Variants in PAX2 observed in about 807,000 individuals in gnomAD.
PAX2 encodes paired box protein Pax-2.
Under a neutral mutation model 41.7 loss-of-function variants are expected in PAX2, and 9 were observed. The observed-to-expected ratio is 0.22, with a 90% CI of 0.13 to 0.38. PAX2 has a LOEUF of 0.38. PAX2 is among the 10% of genes least tolerant of loss of function. PAX2 has a pLI of 1.00. For synonymous variants in PAX2, 221 were observed against 212.7 expected (o/e 1.04, Z -0.34); for missense variants, 418 against 531.6 (o/e 0.79, Z 2.10).
At chr10:100,774,972 C>G (rs764439750) in intron 3 of PAX2, among the ~76,000 whole-genome samples, 3 of 152,232 alleles carry the variant, frequency 2.0e-5, no homozygotes, top group African/African-American at 4.8e-5. Context: ...AGGGCGAGCT[C>G]TCATCGGAAA....
chr10:100,739,014 GACACACACAC>G (rs61617727), intron 1 of PAX2, among the ~76,000 whole-genome samples: 16 of 138,352 alleles, frequency 1.2e-4, no homozygotes, highest in South Asian at 5.1e-4. Context: ...CGCGCACGCG[GACACACACAC>G]ACACACACAC....
chr10:100,822,563 T>C (rs1848408538), intron 7 of PAX2, among the ~76,000 whole-genome samples: 1 of 152,182 alleles, frequency 6.6e-6, no homozygotes, highest in Admixed American at 6.5e-5. Flanking sequence ...TATGATCTGT[T>C]TGAAGAAGCA....
chr10:100,773,175 C>T (rs1023233994), intron 3 of PAX2, among the ~76,000 whole-genome samples: 1 of 152,200 alleles, frequency 6.6e-6, no homozygotes, highest in Non-Finnish European at 1.5e-5. Flanking sequence ...TGTAATAAGC[C>T]TTATGTGCAA....
chr10:100,810,336 A>G (rs932050217), intron 7 of PAX2, among the ~76,000 whole-genome samples: 3 of 152,216 alleles, frequency 2.0e-5, no homozygotes, highest in Non-Finnish European at 4.4e-5. Context: ...CTGGGGGCTT[A>G]GGAGAGCCCT....
chr10:100,789,867 TACTG>T (rs1333466488), intron 5 of PAX2, among the ~76,000 whole-genome samples: 2 of 152,268 alleles, frequency 1.3e-5, no homozygotes, highest in Non-Finnish European at 2.9e-5. Context: ...GCCTGTTGAA[TACTG>T]ACTATGTCAT....
rs948240547 is a variant in PAX2, at chr10:100,786,835, C to A, written c.616+5470C>A. ...GAATTGCAGCTCAGAACCCTTGTAG[C>A]CCTTAGAAGGGGAGTCTGGTCTCCC... On this transcript the variant is annotated intron_variant, in intron 5 of 9. Coordinates refer to ENST00000355243, the MANE Select transcript of PAX2 (RefSeq NM_000278.5). 4 of 570,560 alleles carry A rather than the reference C, an allele frequency of 7.0e-6. No homozygotes were observed. The African/African-American group carries it at 7.6e-5, about 11-fold the overall frequency. The allele number at this position is 570,560 out of a possible 1,614,324, so 35.3% of individuals were successfully genotyped here.
chr10:100,827,149 G>C lies in PAX2; in HGVS notation c.1108+54G>C. On this transcript the variant is annotated intron_variant, in intron 9 of 9. Transcript: ENST00000355243. This position sits in a 1 kb window ranked among gnomAD's most constrained non-coding sequence, Gnocchi z 8.5. ...CTCAGCGCGGCCGCGCGGCTTCTGG[G>C]CACGGTCCCACTCCCGGCGACCCGA... 6.9e-7 allele frequency: 1 copy of C among 1,445,628 alleles called. No homozygotes were observed. Among genetic ancestry groups the C allele is most frequent in the South Asian group, 1.1e-5 (1 of 87,410 alleles). The allele number at this position is 1,445,628 out of a possible 1,614,324, so 89.6% of individuals were successfully genotyped here.
chr10:100,812,309 G>C lies in PAX2; in HGVS notation c.919+3073G>C, dbSNP rs189648070. ...ATCACCCACTTTCCCTTCCGCCGCT[G>C]GGCTGCTCTAGCTCAGCGGCATCTC... On this transcript the variant is annotated intron_variant, in intron 7 of 9. Coordinates refer to ENST00000355243, the MANE Select transcript of PAX2 (RefSeq NM_000278.5). Among the ~76,000 whole-genome samples the C allele has an allele frequency of 1.1e-3, 170 of 152,344 alleles. 2 individuals are homozygous for C. Among genetic ancestry groups the C allele is most frequent in the Middle Eastern group, 6.8e-3 (2 of 294 alleles).
At chr10:100,781,006 G>A (rs1846598948) in intron 4 of PAX2, among the ~76,000 whole-genome samples, 1 of 133,632 alleles carries the variant, frequency 7.5e-6, no homozygotes. Context: ...GAGAAGGCCT[G>A]GGGTTAAACT....
upstream of PAX2, among the ~76,000 whole-genome samples, chr10:100,740,720 C>T (rs576879362): frequency 6.6e-6 from 1 of 152,310 alleles, no homozygotes; most frequent in East Asian, 1.9e-4. Flanking sequence ...AGCAAAGGGA[C>T]TGTGTATGTA....
intron 5 of PAX2, among the ~76,000 whole-genome samples, chr10:100,789,670 G>A (rs1017966572): frequency 3.3e-5 from 5 of 152,120 alleles, no homozygotes; most frequent in Non-Finnish European, 7.3e-5. Context: ...AAGAGCTGAG[G>A]TTCAAAGGTC....
At chr10:100,808,301 G>A (rs1163909173) in intron 6 of PAX2, among the ~76,000 whole-genome samples, 1 of 152,054 alleles carries the variant, frequency 6.6e-6, no homozygotes, top group Non-Finnish European at 1.5e-5. Context: ...AAATGACGAG[G>A]CAATCCCGTC....
At chr10:100,821,709 C>T (rs767709753) in intron 7 of PAX2, among the ~76,000 whole-genome samples, 3 of 152,134 alleles carry the variant, frequency 2.0e-5, no homozygotes, top group Non-Finnish European at 2.9e-5. Flanking sequence ...TAGGAGATTC[C>T]GTGACAAAAC....
intron 5 of PAX2, among the ~76,000 whole-genome samples, chr10:100,795,590 A>G (rs1337694537): frequency 6.6e-6 from 1 of 152,242 alleles, no homozygotes; most frequent in Non-Finnish European, 1.5e-5. Context: ...TAACTGTATA[A>G]TAATTTCATT....
At chr10:100,800,844 T>C (rs1471981473) in intron 5 of PAX2, among the ~76,000 whole-genome samples, 1 of 152,154 alleles carries the variant, frequency 6.6e-6, no homozygotes, top group African/African-American at 2.4e-5. Context: ...AGATGAGATA[T>C]TTTGGTTGAG....
At chr10:100,746,635 G>C (rs1210390128) in intron 1 of PAX2, among the ~76,000 whole-genome samples, 1 of 152,192 alleles carries the variant, frequency 6.6e-6, no homozygotes, top group African/African-American at 2.4e-5. Flanking sequence ...CCTCTCCCTA[G>C]TCAGCCTCTT....
chr10:100,756,327 T>G (rs1326020627), intron 3 of PAX2, among the ~76,000 whole-genome samples: 1 of 152,202 alleles, frequency 6.6e-6, no homozygotes, highest in Non-Finnish European at 1.5e-5. Flanking sequence ...CTCTGCAGGT[T>G]GCCTCTTAAT....
intron 5 of PAX2, among the ~76,000 whole-genome samples, chr10:100,804,923 G>A (rs912515079): frequency 2.0e-5 from 3 of 151,664 alleles, no homozygotes; most frequent in African/African-American, 7.3e-5. Flanking sequence ...GTCTTCTTCA[G>A]ATGTGGTCCT....
In PAX2 at chr10:100,781,341, G is replaced by A; in HGVS notation, c.592G>A (p.Gly198Ser). The change falls in exon 5 of 10, where the codon GGT (glycine) becomes AGT (serine). Residue 198 changes from glycine (G) to serine (S), a missense_variant. Physicochemically the swap from Gly to Ser is moderately conservative, Grantham distance 56. Around this residue, in one of 2 missense-constraint regions of PAX2, gnomAD observed 310 missense variants for 325.2 expected, o/e 0.95. Coordinates refer to ENST00000355243, the MANE Select transcript of PAX2 (RefSeq NM_000278.5). Reference sequence around the variant, plus strand: ...GATCCTGGGGATTCCTCGCTCCAATGGTGAGAAGAGGAAACGTGATGAAGG... The same window carrying A: ...GATCCTGGGGATTCCTCGCTCCAATAGTGAGAAGAGGAAACGTGATGAAGG... The part of the protein sequence containing the change: ...NGILGIPRSN[G>S]EKRKRDEDVS... The A allele has an allele frequency of 1.9e-6, 3 of 1,613,992 alleles. No homozygotes were observed. The highest frequency in any genetic ancestry group is 2.5e-6 in the Non-Finnish European group (3 of 1,179,840).
Sources: gnomAD v4.1 joint callset for allele counts (sites outside exome capture counted in the v4.1 genomes callset) on GRCh38, gnomAD v4.1.1 for gene constraint, gnomAD v4.1.1 regional missense constraint, Gnocchi (gnomAD v3.1) non-coding constraint, MANE v1.5 for transcripts, NCBI Gene and HGNC (gene_info 2026-07-23, HGNC 2026-07-21) for gene names.